OR6C2: variants seen among roughly 807,000 people sequenced by gnomAD.
OR6C2 encodes olfactory receptor family 6 subfamily C member 2.
For missense variants in OR6C2, 435 were observed against 365.8 expected (o/e 1.19, Z -1.54); for synonymous variants, 146 against 134.2 (o/e 1.09, Z -0.61).
At position 55,453,191 on chromosome 12, in the gene OR6C2, T is replaced by C. The variant is rs762514830; in HGVS notation, c.*39T>C. The C allele has an allele frequency of 2.1e-6, 3 of 1,422,878 alleles. No homozygotes were observed. The South Asian group carries it at 3.7e-5, about 18-fold the overall frequency. The allele number at this position is 1,422,878 out of a possible 1,614,324, so 88.1% of individuals were successfully genotyped here. A position where few individuals can be genotyped will look rare whatever the true frequency, so the allele number is the denominator to read the frequency against. ...TTGGCATAAAGTGAATGAAGAAGGCTCCCTAAATGTCATCCTACAGCTTTT... is the reference window on the plus strand; with the variant it reads ...TTGGCATAAAGTGAATGAAGAAGGCCCCCTAAATGTCATCCTACAGCTTTT... On this transcript the variant is annotated 3_prime_UTR_variant, in exon 2 of 2. Coordinates refer to ENST00000641202, the MANE Select transcript of OR6C2 (RefSeq NM_054105.2).
At chr12:55,445,924 G>A (rs865948901) in intron 1 of OR6C2, among the ~76,000 whole-genome samples, 14 of 152,066 alleles carry the variant, frequency 9.2e-5, no homozygotes, top group African/African-American at 3.1e-4. Context: ...TATCCACTAG[G>A]GCCTAACCTC....
rs1374139043 is a variant in OR6C2 at position 55,452,030 on chromosome 12, A to G, written c.-184A>G. The G allele has an allele frequency of 2.1e-6, 1 of 487,508 alleles. No individual in the cohort carries two copies. The highest frequency in any genetic ancestry group is 3.6e-6 in the Non-Finnish European group (1 of 278,832). 30.2% of individuals were successfully genotyped at this position (487,508 alleles called of 1,614,324 possible). On this transcript the variant is annotated 5_prime_UTR_variant, in exon 2 of 2. In the 5' UTR this introduces an upstream ATG that the reference lacks. Coordinates refer to ENST00000641202, the MANE Select transcript of OR6C2 (RefSeq NM_054105.2). ...TTAAGGAGATATCCACTGCTCATAT[A>G]TGTGAAATTTAGAAAGGTTATTGGA...
chr12:55,450,238 G>A (rs896833781), intron 1 of OR6C2, among the ~76,000 whole-genome samples: 2 of 152,048 alleles, frequency 1.3e-5, no homozygotes, highest in Non-Finnish European at 2.9e-5. Flanking sequence ...AGACACAGGA[G>A]CATAGTTTCA....
At chr12:55,449,793 T>C (rs1018644509) in intron 1 of OR6C2, among the ~76,000 whole-genome samples, 1 of 151,714 alleles carries the variant, frequency 6.6e-6, no homozygotes, top group South Asian at 2.1e-4. Context: ...ACCAAGCAGA[T>C]AACAATAGCA....
rs143382713 is a variant in OR6C2, at chr12:55,453,181, T to G, written c.*29T>G. The G allele has an allele frequency of 3.3e-6, 5 of 1,506,066 alleles. No individual in the cohort carries two copies. The highest frequency in any genetic ancestry group is 4.6e-6 in the Non-Finnish European group (5 of 1,092,398). The allele number at this position is 1,506,066 out of a possible 1,614,324, so 93.3% of individuals were successfully genotyped here. ...CTGTGATGAATTGGCATAAAGTGAA[T>G]GAAGAAGGCTCCCTAAATGTCATCC... is the stretch of plus-strand genomic sequence containing the variant. On this transcript the variant is annotated 3_prime_UTR_variant, in exon 2 of 2. Coordinates refer to ENST00000641202, the MANE Select transcript of OR6C2 (RefSeq NM_054105.2).
intron 1 of OR6C2, among the ~76,000 whole-genome samples, chr12:55,446,226 C>T (rs546071261): frequency 2.6e-5 from 4 of 151,956 alleles, no homozygotes; most frequent in Admixed American, 2.0e-4. Flanking sequence ...CTTGGCTCAT[C>T]GCAACCTCCA....
Sources: gnomAD v4.1 joint callset for allele counts (sites outside exome capture counted in the v4.1 genomes callset) on GRCh38, gnomAD v4.1.1 for gene constraint, MANE v1.5 for transcripts, NCBI Gene and HGNC (gene_info 2026-07-23, HGNC 2026-07-21) for gene names.